Variants in SLIT3 observed in about 807,000 individuals in gnomAD.
SLIT3 encodes slit homolog 3 protein.
SLIT3 carries 68 observed loss-of-function variants against 184.0 expected under a neutral mutation model. The ratio of observed to expected loss-of-function variants is 0.37; its 90% CI spans 0.30 to 0.45. SLIT3 has a LOEUF of 0.45. Among genes scored for constraint, SLIT3 ranks in the 20% least tolerant of loss-of-function variants. The probability of loss-of-function intolerance (pLI) is 1.00; values close to 1 mark genes in which losing one functional copy is unlikely to be tolerated. For synonymous variants in SLIT3, 831 were observed against 828.6 expected, an observed-to-expected ratio of 1.00 and a Z score of -0.05; for missense variants, 1,707 against 2,026.0, an observed-to-expected ratio of 0.84 and a Z score of 3.02.
chr5:168,806,454 G>A lies in SLIT3; in HGVS notation c.927C>T (p.Ile309=), dbSNP rs147979728. 105 of 1,614,054 alleles carry A rather than the reference G, an allele frequency of 6.5e-5. No homozygotes were observed. Among genetic ancestry groups the A allele is most frequent in the Non-Finnish European group, 7.6e-5 (90 of 1,180,028 alleles). The change falls in exon 9 of 36, where the codon ATC becomes ATT. Residue 309 remains isoleucine, a synonymous_variant. Transcript: ENST00000519560. ...CAGACAGGTGCACTTACATTTCGAC[G>A]ATGCCCTCCGGCAAGTTGGCAGGAA... The part of the protein sequence containing the change: ...MEIPANLPEG[I]VEIRLEQNSI...
Position 168,742,029 on chromosome 5 carries a change from G to T in SLIT3, c.2270+6273C>A, listed in dbSNP as rs548943801. Among the ~76,000 whole-genome samples, 24 of 120,734 alleles carry T rather than the reference G, an allele frequency of 2.0e-4. No individual in the cohort carries two copies. The Admixed American group carries it at 2.2e-3, about 11-fold the overall frequency. The allele number at this position is 120,734 out of a possible 152,430, so 79.2% of individuals were successfully genotyped here. ...GACTGAGACTGAGAAACCAGAGGGG[G>T]TTACCTAAGTAGGGATGGGAGTGAA... is the stretch of plus-strand genomic sequence containing the variant. On this transcript the variant is annotated intron_variant, in intron 20 of 35. Coordinates refer to ENST00000519560, the MANE Select transcript of SLIT3 (RefSeq NM_003062.4).
intron 4 of SLIT3, among the ~76,000 whole-genome samples, chr5:168,994,833 G>A (rs1755457508): frequency 6.6e-6 from 1 of 151,336 alleles, no homozygotes; most frequent in Admixed American, 6.6e-5. Flanking sequence ...CTAGAAACGG[G>A]GTTTCAGCAT....
At chr5:169,201,257 C>A (rs1287051894) in intron 3 of SLIT3, among the ~76,000 whole-genome samples, 1 of 152,112 alleles carries the variant, frequency 6.6e-6, no homozygotes, top group Admixed American at 6.5e-5. Context: ...TTTGACATTT[C>A]TATAGGAGAA....
At position 168,722,986 on chromosome 5, in the gene SLIT3, G is replaced by A. The variant is rs900027038; in HGVS notation, c.2358C>T (p.Ser786=). Reference sequence around the variant, plus strand: ...AGGTGTAATTGGTCAGCATGCTGATGCTGTTGTTGCTCAGGTCACTAGGAA... The same window carrying A: ...AGGTGTAATTGGTCAGCATGCTGATACTGTTGTTGCTCAGGTCACTAGGAA... ...HLTLIDLSNN[S]ISMLTNYTFS... The change falls in exon 22 of 36, where the codon AGC becomes AGT. Residue 786 remains serine, a synonymous_variant. Coordinates refer to ENST00000519560, the MANE Select transcript of SLIT3 (RefSeq NM_003062.4). 3 of 1,613,720 alleles carry A rather than the reference G, an allele frequency of 1.9e-6. No individual in the cohort carries two copies. The highest frequency in any genetic ancestry group is 2.5e-6 in the Non-Finnish European group (3 of 1,179,716).
chr5:169,282,800 T>C (rs917759451), intron 1 of SLIT3, among the ~76,000 whole-genome samples: 1 of 152,240 alleles, frequency 6.6e-6, no homozygotes, highest in Non-Finnish European at 1.5e-5. Flanking sequence ...GTTTTACATA[T>C]CTTACCTCAT....
rs142485780 is a variant in SLIT3, at chr5:168,777,014, T to G, written c.1152-2636A>C. ...GCAGCATTTTGCGTCATGCCACATA[T>G]ATGTGTTTTTTCAATCCTCCTCTGT... is the stretch of plus-strand genomic sequence containing the variant. On this transcript the variant is annotated intron_variant, in intron 12 of 35. Transcript: ENST00000519560. Among the ~76,000 whole-genome samples, 48 of 152,172 alleles carry G rather than the reference T, an allele frequency of 3.2e-4. 1 individual carries two copies. Among genetic ancestry groups the G allele is most frequent in the African/African-American group, 1.1e-3 (46 of 41,512 alleles).
intron 4 of SLIT3, among the ~76,000 whole-genome samples, chr5:169,135,992 C>G (rs1021027729): frequency 2.0e-5 from 3 of 152,354 alleles, no homozygotes; most frequent in Non-Finnish European, 2.9e-5. Flanking sequence ...CACGGATACA[C>G]AAACTCCTTT....
chr5:168,747,497 G>A (rs1035258566), intron 20 of SLIT3, among the ~76,000 whole-genome samples: 1 of 152,078 alleles, frequency 6.6e-6, no homozygotes, highest in Non-Finnish European at 1.5e-5. Context: ...TGTGCACATG[G>A]TGTGTGTTGG....
rs903726497 is a variant in SLIT3, at chr5:169,300,482, G to A, written c.197+31C>T. The A allele has an allele frequency of 7.0e-7, 1 of 1,438,646 alleles. No homozygotes were observed. The highest frequency in any genetic ancestry group is 1.4e-5 in the South Asian group (1 of 70,964). The allele number at this position is 1,438,646 out of a possible 1,614,324, so 89.1% of individuals were successfully genotyped here. ...CCCCCTCGGTGGGACCCAGGTGGGT[G>A]GCCCGCGTGGGGTGGGGCAGGGGTA... is the stretch of plus-strand genomic sequence containing the variant. On this transcript the variant is annotated intron_variant, in intron 1 of 35. Transcript: ENST00000519560. The surrounding 1 kb of genome is among the most constrained non-coding windows in gnomAD (Gnocchi z 4.1).
At chr5:168,765,164 A>T (rs1222630710) in intron 14 of SLIT3, among the ~76,000 whole-genome samples, 1 of 152,190 alleles carries the variant, frequency 6.6e-6, no homozygotes, top group East Asian at 1.9e-4. Context: ...GAAGGCGTGC[A>T]CCGGCTGGGC....
intron 31 of SLIT3, among the ~76,000 whole-genome samples, chr5:168,684,827 C>T (rs913326382): frequency 2.0e-5 from 3 of 152,020 alleles, no homozygotes; most frequent in Non-Finnish European, 4.4e-5. Flanking sequence ...TTGCTAGGAA[C>T]CAGGCACTAT....
intron 4 of SLIT3, among the ~76,000 whole-genome samples, chr5:169,160,678 C>T (rs1762448451): frequency 6.6e-6 from 1 of 152,194 alleles, no homozygotes; most frequent in Non-Finnish European, 1.5e-5. Flanking sequence ...AGTGATACAA[C>T]CCTATCCCTC....
intron 1 of SLIT3, among the ~76,000 whole-genome samples, chr5:169,277,530 G>A (rs1036635550): frequency 2.6e-5 from 4 of 152,322 alleles, no homozygotes; most frequent in South Asian, 2.1e-4. Context: ...GACCCACCAC[G>A]AGTGGCCAGC....
chr5:169,097,682 T>C (rs115735918), intron 4 of SLIT3, among the ~76,000 whole-genome samples: 4,205 of 152,238 alleles, frequency 0.028, 69 homozygotes, highest in Middle Eastern at 0.048. Flanking sequence ...GAGGGGGCTG[T>C]TGGAGGAGGC....
Position 168,848,942 on chromosome 5 carries a change from C to T in SLIT3, c.486-4287G>A, listed in dbSNP as rs552387732. On this transcript the variant is annotated intron_variant, in intron 5 of 35. Coordinates refer to ENST00000519560, the MANE Select transcript of SLIT3 (RefSeq NM_003062.4). ...TGTTTTTGTGCTTCAGAAATTAAAGCAGCCTATCTAAATCCTTTACAAAGG... is the reference window on the plus strand; with the variant it reads ...TGTTTTTGTGCTTCAGAAATTAAAGTAGCCTATCTAAATCCTTTACAAAGG... 1.7e-4 allele frequency among the ~76,000 whole-genome samples: 26 copies of T among 152,276 alleles called. 1 individual carries two copies. The highest frequency in any genetic ancestry group is 7.8e-4 in the Admixed American group (12 of 15,292).
intron 4 of SLIT3, among the ~76,000 whole-genome samples, chr5:169,083,651 G>C (rs574878466): frequency 6.5e-4 from 99 of 152,332 alleles, no homozygotes; most frequent in African/African-American, 2.3e-3. Flanking sequence ...TCTGGGCTCA[G>C]CGGGGAAGAC....
At chr5:169,169,149 T>G (rs1762739558) in intron 4 of SLIT3, among the ~76,000 whole-genome samples, 2 of 152,170 alleles carry the variant, frequency 1.3e-5, no homozygotes, top group Non-Finnish European at 2.9e-5. Flanking sequence ...ATGAAGAGCA[T>G]GAGTTCCATG....
intron 30 of SLIT3, 87 bp from the exon 31 acceptor site, chr5:168,686,014 A>G (rs1582528120): frequency 7.1e-7 from 1 of 1,415,970 alleles, no homozygotes; most frequent in East Asian, 2.5e-5. Flanking sequence ...AACCTCGAGC[A>G]GAGAGGTAGA....
intron 9 of SLIT3, among the ~76,000 whole-genome samples, chr5:168,804,493 G>C (rs1448958051): frequency 6.6e-6 from 1 of 152,098 alleles, no homozygotes; most frequent in Non-Finnish European, 1.5e-5. Context: ...AGATTCCGTA[G>C]AGGGAGCGCT....
Sources: allele counts gnomAD v4.1 joint callset (sites outside exome capture counted in the v4.1 genomes callset), GRCh38; gene constraint gnomAD v4.1.1; non-coding constraint Gnocchi (gnomAD v3.1); transcripts MANE v1.5; gene names NCBI Gene and HGNC (gene_info 2026-07-23, HGNC 2026-07-21).